The following ERI3 variants were observed in gnomAD, a reference collection of about 807,000 sequenced individuals.
The protein encoded by ERI3 is ERI1 exoribonuclease family member 3.
A neutral mutation model predicts 44.4 loss-of-function variants in ERI3; 18 were observed. The observed-to-expected ratio is 0.41, with a 90% CI of 0.28 to 0.60. ERI3 has a LOEUF of 0.60. Ranked by LOEUF, ERI3 falls within the 20% of genes least tolerant of loss-of-function variation. The pLI, the probability that ERI3 is intolerant of heterozygous loss-of-function variation, is 0.36. For missense variants in ERI3, 294 were observed against 435.5 expected (o/e 0.68, Z 2.89); for synonymous variants, 183 against 164.8 (o/e 1.11, Z -0.84).
At chr1:44,273,286 G>A (rs567500210) in intron 7 of ERI3, among the ~76,000 whole-genome samples, 9 of 152,308 alleles carry the variant, frequency 5.9e-5, no homozygotes, top group African/African-American at 1.9e-4. Flanking sequence ...AAGGATTCAG[G>A]GCAATGAATT....
chr1:44,248,078 C>T, intron 7 of ERI3, 40 bp from the exon 8 acceptor site: 1 of 1,481,828 alleles, frequency 6.7e-7, no homozygotes, highest in South Asian at 1.2e-5. Context: ...AGGCCCTGAC[C>T]CTCTGAACCA....
intron 3 of ERI3, 130 bp downstream of exon 3, chr1:44,338,915 C>T: frequency 8.7e-7 from 1 of 1,151,462 alleles, no homozygotes; most frequent in South Asian, 1.5e-5. Flanking sequence ...GCTTCCTAGA[C>T]AGGAACTCTA....
At position 44,308,378 on chromosome 1, in the gene ERI3, C is replaced by G. The variant is rs1328891737; in HGVS notation, c.690G>C (p.Lys230Asn). 1 of 1,614,076 alleles carries G rather than the reference C, an allele frequency of 6.2e-7. No individual in the cohort carries two copies. Among genetic ancestry groups the G allele is most frequent in the African/African-American group, 1.3e-5 (1 of 74,940 alleles). Residue 230 changes from lysine to asparagine, a missense_variant, in exon 6 of 9, where the codon AAG (lysine) becomes AAC (asparagine). By Grantham distance (94) the Lys-to-Asn change is moderately conservative. Around this residue, in one of 2 missense-constraint regions of ERI3, gnomAD observed 187 missense variants for 338.6 expected, o/e 0.55. Coordinates refer to ENST00000372257, the MANE Select transcript of ERI3 (RefSeq NM_024066.3). ...VLERVDEWMAKEGLLDPNVKS... is the reference protein window; with the variant it reads ...VLERVDEWMANEGLLDPNVKS... ...TGACGTTTGGATCTAAGAGGCCTTC[C>G]TTCGCCATCCATTCATCGACCCTCT...
chr1:44,312,892 A>T (rs553045408), intron 5 of ERI3, among the ~76,000 whole-genome samples: 2 of 152,354 alleles, frequency 1.3e-5, no homozygotes, highest in African/African-American at 4.8e-5. Context: ...CCCCAGAGTC[A>T]GCCAGCATAG....
intron 3 of ERI3, among the ~76,000 whole-genome samples, chr1:44,332,859 T>A (rs1229385683): frequency 6.6e-6 from 1 of 152,112 alleles, no homozygotes; most frequent in Non-Finnish European, 1.5e-5. Context: ...AAGGACCACA[T>A]TTATGGAGGC....
At chr1:44,297,807 A>C (rs899766337) in intron 6 of ERI3, among the ~76,000 whole-genome samples, 2 of 152,264 alleles carry the variant, frequency 1.3e-5, no homozygotes, top group Non-Finnish European at 2.9e-5. Context: ...ACAGGCATGG[A>C]AAGTTGGAGA....
Position 44,252,478 on chromosome 1 carries a change from C to G in ERI3, c.832-4440G>C, listed in dbSNP as rs1021917977. 1.3e-5 allele frequency among the ~76,000 whole-genome samples: 2 copies of G among 152,204 alleles called. No individual in the cohort carries two copies. Among genetic ancestry groups the G allele is most frequent in the African/African-American group, 2.4e-5 (1 of 41,450 alleles). ...GTGTAACAGGGAGCTTTGCCATTAG[C>G]GCCTTTAATATTCTGACACCTCAGC... is the stretch of plus-strand genomic sequence containing the variant. On this transcript the variant is annotated intron_variant, in intron 7 of 8. Transcript: ENST00000372257. This position sits in a 1 kb window ranked among gnomAD's most constrained non-coding sequence, Gnocchi z 4.7.
At chr1:44,258,032 C>T (rs567779713) in intron 7 of ERI3, among the ~76,000 whole-genome samples, 3 of 152,300 alleles carry the variant, frequency 2.0e-5, no homozygotes, top group African/African-American at 4.8e-5. Flanking sequence ...CTCCCACCCC[C>T]CTTCCTGATA....
rs180808551 is a variant in ERI3 at position 44,270,158 on chromosome 1, A to C, written c.831+14677T>G. 1.9e-3 allele frequency among the ~76,000 whole-genome samples: 292 copies of C among 152,050 alleles called. 1 individual carries two copies. The highest frequency in any genetic ancestry group is 6.6e-3 in the African/African-American group (273 of 41,476). On this transcript the variant is annotated intron_variant, in intron 7 of 8. Coordinates refer to ENST00000372257, the MANE Select transcript of ERI3 (RefSeq NM_024066.3). ...CAGCAAAATCAAAAGAAGGGGAAAA[A>C]ACACACACACACACAAAAGAAACCC...
At chr1:44,240,791 G>T (rs1419227933) in intron 8 of ERI3, among the ~76,000 whole-genome samples, 1 of 152,202 alleles carries the variant, frequency 6.6e-6, no homozygotes, top group Non-Finnish European at 1.5e-5. Flanking sequence ...GGCCTGGTCA[G>T]TAGTGTCCAG....
intron 5 of ERI3, among the ~76,000 whole-genome samples, chr1:44,309,809 C>T (rs936545212): frequency 6.6e-6 from 1 of 152,116 alleles, no homozygotes; most frequent in South Asian, 2.1e-4. Flanking sequence ...ATGATCTGCC[C>T]GCCTCGGCCT....
chr1:44,354,349 CA>C, intron 1 of ERI3: 1 of 985,450 alleles, frequency 1.0e-6, no homozygotes, highest in Non-Finnish European at 1.2e-6. Context: ...TGAGGGGCCC[CA>C]CATCCAGCAT....
intron 6 of ERI3, among the ~76,000 whole-genome samples, chr1:44,289,592 C>T (rs558734078): frequency 6.6e-6 from 1 of 152,358 alleles, no homozygotes; most frequent in South Asian, 2.1e-4. Flanking sequence ...CTGCCCCTCA[C>T]CCCTATAAGC....
intron 4 of ERI3, among the ~76,000 whole-genome samples, chr1:44,313,698 G>A (rs1208006002): frequency 6.6e-6 from 1 of 152,044 alleles, no homozygotes; most frequent in Non-Finnish European, 1.5e-5. Flanking sequence ...CCCCTTCTCT[G>A]AGCCTTGATA....
intron 5 of ERI3, 33 bp downstream of exon 5, chr1:44,313,136 C>A: frequency 6.2e-7 from 1 of 1,604,042 alleles, no homozygotes; most frequent in South Asian, 1.1e-5. Context: ...AGGAAGGGGT[C>A]AGAGGTCAGG....
intron 7 of ERI3, among the ~76,000 whole-genome samples, chr1:44,283,765 C>G (rs985733117): frequency 6.6e-6 from 1 of 152,312 alleles, no homozygotes; most frequent in Middle Eastern, 3.4e-3. Context: ...GGCACAAATA[C>G]TTATAAAGCT....
At chr1:44,352,743 A>T in intron 2 of ERI3, 107 bp downstream of exon 2, 2 of 1,191,702 alleles carry the variant, frequency 1.7e-6, no homozygotes, top group Non-Finnish European at 2.4e-6. Context: ...CTTTGGGGAT[A>T]CATGGGAAAA....
At chr1:44,242,649 T>C (rs1572092976) in intron 8 of ERI3, among the ~76,000 whole-genome samples, 1 of 152,090 alleles carries the variant, frequency 6.6e-6, no homozygotes, top group African/African-American at 2.4e-5. Context: ...TTCCCAGAGG[T>C]GCAAGGCCCC....
At chr1:44,250,219 C>G (rs974195261) in intron 7 of ERI3, among the ~76,000 whole-genome samples, 31 of 152,220 alleles carry the variant, frequency 2.0e-4, no homozygotes, top group African/African-American at 7.5e-4. Context: ...CAGGTGCTGC[C>G]GCTTCCCAGC....
Sources: allele counts gnomAD v4.1 joint callset (sites outside exome capture counted in the v4.1 genomes callset), GRCh38; gene constraint gnomAD v4.1.1; regional missense constraint gnomAD v4.1.1; non-coding constraint Gnocchi (gnomAD v3.1); transcripts MANE v1.5; gene names NCBI Gene and HGNC (gene_info 2026-07-23, HGNC 2026-07-21).